The following KCNB2 variants were observed in gnomAD, a reference collection of about 807,000 sequenced individuals.
The protein encoded by KCNB2 is potassium voltage-gated channel subfamily B member 2.
In KCNB2, 15 loss-of-function variants were observed where a neutral mutation model predicts 61.5. That is an observed-to-expected ratio of 0.24 (90% CI 0.16 to 0.38). KCNB2 has a LOEUF of 0.38. Among genes scored for constraint, KCNB2 ranks in the 10% least tolerant of loss-of-function variants. KCNB2 has a pLI of 1.00. For missense variants in KCNB2, 828 were observed against 1,125.2 expected (o/e 0.74, Z 3.78); for synonymous variants, 457 against 446.0 (o/e 1.02, Z -0.31).
intron 2 of KCNB2, among the ~76,000 whole-genome samples, chr8:72,777,493 G>A (rs1021952770): frequency 1.3e-5 from 2 of 152,112 alleles, no homozygotes; most frequent in African/African-American, 4.8e-5. Flanking sequence ...GGTTCAATGT[G>A]CCTTAGAAAA....
intron 2 of KCNB2, among the ~76,000 whole-genome samples, chr8:72,787,716 G>A (rs1218950499): frequency 6.6e-6 from 1 of 152,110 alleles, no homozygotes; most frequent in East Asian, 1.9e-4. Flanking sequence ...AAAGAAATGA[G>A]AGTTGCCTTG....
At chr8:72,730,557 TTCACAGTCAATG>T in intron 2 of KCNB2, among the ~76,000 whole-genome samples, 1 of 152,348 alleles carries the variant, frequency 6.6e-6, no homozygotes, top group East Asian at 1.9e-4. Flanking sequence ...TCCTGGTTCC[TTCACAGTCAATG>T]TCATTTTTTT....
chr8:72,627,524 C>A (rs1805808739), intron 2 of KCNB2, among the ~76,000 whole-genome samples: 1 of 152,138 alleles, frequency 6.6e-6, no homozygotes, highest in Non-Finnish European at 1.5e-5. Flanking sequence ...CATTAGAGAA[C>A]AATTTGAGCA....
intron 2 of KCNB2, among the ~76,000 whole-genome samples, chr8:72,785,716 A>G (rs938138174): frequency 2.0e-5 from 3 of 152,246 alleles, no homozygotes; most frequent in East Asian, 1.9e-4. Flanking sequence ...TGTCTTCTCA[A>G]GCAAAGTAAC....
chr8:72,787,913 G>A (rs1808869729), intron 2 of KCNB2, among the ~76,000 whole-genome samples: 1 of 152,032 alleles, frequency 6.6e-6, no homozygotes, highest in African/African-American at 2.4e-5. Context: ...GCATAGCAAG[G>A]TGGTTGAATA....
intron 2 of KCNB2, among the ~76,000 whole-genome samples, chr8:72,579,679 C>A (rs965919502): frequency 5.3e-5 from 8 of 152,176 alleles, no homozygotes; most frequent in African/African-American, 1.4e-4. Flanking sequence ...AAATTTAACT[C>A]TGGGGAAAGA....
intron 2 of KCNB2, among the ~76,000 whole-genome samples, chr8:72,743,497 A>G (rs1216565425): frequency 6.6e-6 from 1 of 152,232 alleles, no homozygotes; most frequent in Non-Finnish European, 1.5e-5. Flanking sequence ...TCTTTGTTTC[A>G]AAAGACTGTA....
chr8:72,800,051 T>C (rs1809098379), intron 2 of KCNB2, among the ~76,000 whole-genome samples: 1 of 152,264 alleles, frequency 6.6e-6, no homozygotes, highest in East Asian at 1.9e-4. Context: ...AATTTAAATG[T>C]CATCTGTAGG....
intron 2 of KCNB2, among the ~76,000 whole-genome samples, chr8:72,633,399 T>A (rs1048628527): frequency 6.6e-6 from 1 of 152,170 alleles, no homozygotes; most frequent in Non-Finnish European, 1.5e-5. Context: ...TTTTGGGTAA[T>A]CCAGGATAAT....
At chr8:72,832,111 A>G (rs949311684) in intron 2 of KCNB2, among the ~76,000 whole-genome samples, 1 of 152,220 alleles carries the variant, frequency 6.6e-6, no homozygotes, top group Non-Finnish European at 1.5e-5. Context: ...ATGGAAACAT[A>G]TTTTTACAGG....
intron 2 of KCNB2, among the ~76,000 whole-genome samples, chr8:72,676,833 A>G (rs1006827472): frequency 6.6e-6 from 1 of 152,102 alleles, no homozygotes; most frequent in East Asian, 1.9e-4. Flanking sequence ...CTAACCCTCA[A>G]TGCATCTGAA....
chr8:72,849,054 G>A (rs1285356288), intron 2 of KCNB2, among the ~76,000 whole-genome samples: 4 of 149,588 alleles, frequency 2.7e-5, no homozygotes, highest in African/African-American at 7.4e-5. Context: ...TAGTATTAAT[G>A]TATTATATAA....
In KCNB2 at chr8:72,919,230, G is replaced by A. The variant is rs186962821; in HGVS notation, c.580-16705G>A. Among the ~76,000 whole-genome samples, 6 of 152,222 alleles carry A rather than the reference G, an allele frequency of 3.9e-5. No individual in the cohort carries two copies. The East Asian group carries it at 9.7e-4, about 25-fold the overall frequency. On this transcript the variant is annotated intron_variant, in intron 2 of 2. Coordinates refer to ENST00000523207, the MANE Select transcript of KCNB2 (RefSeq NM_004770.3). ...TATTTAAGCATCTTCAGCACTATAC[G>A]GAGGAACAGCTCCACCTGGTTCGTG...
intron 2 of KCNB2, among the ~76,000 whole-genome samples, chr8:72,615,632 G>C (rs779860986): frequency 2.0e-5 from 3 of 152,192 alleles, no homozygotes; most frequent in Non-Finnish European, 4.4e-5. Context: ...CACTGGGGAT[G>C]GGTGTGTTTT....
intron 2 of KCNB2, among the ~76,000 whole-genome samples, chr8:72,600,479 A>G (rs1208458997): frequency 6.6e-6 from 1 of 152,024 alleles, no homozygotes; most frequent in Non-Finnish European, 1.5e-5. Flanking sequence ...GCATTAGGAG[A>G]TATACCTAAT....
At chr8:72,889,642 G>C (rs555178058) in intron 2 of KCNB2, among the ~76,000 whole-genome samples, 5 of 151,980 alleles carry the variant, frequency 3.3e-5, no homozygotes, top group Non-Finnish European at 2.9e-5. Flanking sequence ...AGCCAAGATC[G>C]TACTACTGCA....
intron 2 of KCNB2, among the ~76,000 whole-genome samples, chr8:72,577,676 C>T (rs1317694030): frequency 5.9e-5 from 9 of 152,192 alleles, no homozygotes; most frequent in Non-Finnish European, 2.9e-5. Flanking sequence ...ACTCGTGATG[C>T]AACCCCAAGT....
chr8:72,719,172 G>A (rs1807503177), intron 2 of KCNB2, among the ~76,000 whole-genome samples: 1 of 152,022 alleles, frequency 6.6e-6, no homozygotes, highest in South Asian at 2.1e-4. Flanking sequence ...GGAATACATG[G>A]AATATTCTCT....
At chr8:72,623,988 A>G (rs1410990802) in intron 2 of KCNB2, among the ~76,000 whole-genome samples, 1 of 152,118 alleles carries the variant, frequency 6.6e-6, no homozygotes, top group Non-Finnish European at 1.5e-5. Context: ...TCGGTGCATA[A>G]GCATGTGTTC....
Sources: allele counts gnomAD v4.1 joint callset (sites outside exome capture counted in the v4.1 genomes callset), GRCh38; gene constraint gnomAD v4.1.1; transcripts MANE v1.5; gene names NCBI Gene and HGNC (gene_info 2026-07-23, HGNC 2026-07-21).